The following NRG3 variants were observed in gnomAD, a reference collection of about 807,000 sequenced individuals.
The protein encoded by NRG3 is pro-neuregulin-3, membrane-bound isoform.
In NRG3, 31 loss-of-function variants were observed where a neutral mutation model predicts 66.9. The observed-to-expected ratio is 0.46, with a 90% confidence interval of 0.35 to 0.63. The LOEUF (loss-of-function observed/expected upper bound fraction) is 0.63, where lower values mean the gene tolerates loss of function less well. Among genes scored for constraint, NRG3 ranks in the 20% least tolerant of loss-of-function variants. NRG3 has a pLI of 0.00. For missense variants in NRG3, 910 were observed against 878.9 expected (o/e 1.04, Z -0.45); for synonymous variants, 393 against 359.4 (o/e 1.09, Z -1.06).
chr10:82,276,051 A>G (rs562759896), intron 1 of NRG3, among the ~76,000 whole-genome samples: 7 of 152,044 alleles, frequency 4.6e-5, no homozygotes, highest in Non-Finnish European at 7.4e-5. Context: ...ATAGGACACA[A>G]TTTTAAATAA....
intron 1 of NRG3, among the ~76,000 whole-genome samples, chr10:82,123,395 C>T (rs182002438): frequency 1.2e-3 from 177 of 152,214 alleles, no homozygotes; most frequent in African/African-American, 4.0e-3. Context: ...CCTTGAGTTT[C>T]GTGCTTTTAA....
At chr10:82,109,567 G>C (rs976382740) in intron 1 of NRG3, among the ~76,000 whole-genome samples, 11 of 135,672 alleles carry the variant, frequency 8.1e-5, no homozygotes, top group Admixed American at 2.3e-4. Flanking sequence ...GTGTGTGTGT[G>C]TGTGTGTGTG....
At chr10:82,606,289 T>C (rs1335257401) in intron 2 of NRG3, among the ~76,000 whole-genome samples, 1 of 152,210 alleles carries the variant, frequency 6.6e-6, no homozygotes, top group Non-Finnish European at 1.5e-5. Flanking sequence ...TCACGTGTTA[T>C]TTAGAAGTGT....
At chr10:82,171,353 G>A (rs529401140) in intron 1 of NRG3, among the ~76,000 whole-genome samples, 21 of 143,584 alleles carry the variant, frequency 1.5e-4, no homozygotes, top group Non-Finnish European at 2.2e-4. Flanking sequence ...CATGTCCTCC[G>A]AGCCACACCT....
chr10:82,531,687 C>T (rs1450022832), intron 2 of NRG3, among the ~76,000 whole-genome samples: 1 of 151,848 alleles, frequency 6.6e-6, no homozygotes, highest in East Asian at 1.9e-4. Flanking sequence ...TACACACATA[C>T]ACACAGAGGG....
At chr10:82,426,207 T>A (rs1314898310) in intron 2 of NRG3, among the ~76,000 whole-genome samples, 6 of 152,138 alleles carry the variant, frequency 3.9e-5, no homozygotes, top group Admixed American at 6.6e-5. Flanking sequence ...CCATCTTCAC[T>A]CTGAGACCCC....
intron 1 of NRG3, among the ~76,000 whole-genome samples, chr10:82,308,457 G>A (rs2080862938): frequency 6.6e-6 from 1 of 151,822 alleles, no homozygotes; most frequent in African/African-American, 2.4e-5. Flanking sequence ...TATCCCGTAT[G>A]GCTTCTACTT....
intron 1 of NRG3, among the ~76,000 whole-genome samples, chr10:82,350,634 G>T (rs937173894): frequency 6.6e-6 from 1 of 152,168 alleles, no homozygotes; most frequent in African/African-American, 2.4e-5. Flanking sequence ...ACATGTAGCT[G>T]TGTATGAGGT....
chr10:82,038,781 A>G (rs114912012), intron 1 of NRG3, among the ~76,000 whole-genome samples: 2 of 152,172 alleles, frequency 1.3e-5, no homozygotes, highest in East Asian at 1.9e-4. Flanking sequence ...CTGCAGCTTG[A>G]TACTTCACAT....
chr10:81,979,817 A>C (rs2060268525), intron 1 of NRG3, among the ~76,000 whole-genome samples: 1 of 152,202 alleles, frequency 6.6e-6, no homozygotes, highest in African/African-American at 2.4e-5. Context: ...CAGAAGTGAA[A>C]ATTTTAAATA....
At chr10:82,763,991 G>A (rs1005848361) in intron 3 of NRG3, among the ~76,000 whole-genome samples, 3 of 152,084 alleles carry the variant, frequency 2.0e-5, no homozygotes, top group Admixed American at 6.6e-5. Flanking sequence ...GTGGATAGTG[G>A]AAAATTTTTA....
At chr10:82,469,545 G>T (rs1202192363) in intron 2 of NRG3, among the ~76,000 whole-genome samples, 1 of 152,180 alleles carries the variant, frequency 6.6e-6, no homozygotes, top group Non-Finnish European at 1.5e-5. Context: ...AACTGACAAA[G>T]ACGTACAGTT....
chr10:81,968,206 C>T (rs975500713), intron 1 of NRG3, among the ~76,000 whole-genome samples: 2 of 152,226 alleles, frequency 1.3e-5, no homozygotes, highest in African/African-American at 4.8e-5. Context: ...CCTCAAGCCT[C>T]CTAGGGCCTG....
At chr10:82,149,643 C>G (rs1382507382) in intron 1 of NRG3, among the ~76,000 whole-genome samples, 1 of 151,640 alleles carries the variant, frequency 6.6e-6, no homozygotes, top group African/African-American at 2.4e-5. Flanking sequence ...GGGAACAGAG[C>G]CTAATACTTT....
chr10:82,756,031 A>G (rs2059064296), intron 3 of NRG3, among the ~76,000 whole-genome samples: 3 of 151,430 alleles, frequency 2.0e-5, no homozygotes, highest in Admixed American at 2.0e-4. Context: ...CGCTCTGTAG[A>G]CACCTTTTTT....
chr10:82,379,867 G>T (rs188357298), intron 2 of NRG3, among the ~76,000 whole-genome samples: 3 of 119,962 alleles, frequency 2.5e-5, no homozygotes, highest in African/African-American at 3.5e-5. Flanking sequence ...AAAAAAAAAG[G>T]TTTCCTGAAG....
chr10:82,330,844 C>T (rs774265348), intron 1 of NRG3, among the ~76,000 whole-genome samples: 2 of 152,094 alleles, frequency 1.3e-5, no homozygotes, highest in East Asian at 1.9e-4. Context: ...TGACATTAAC[C>T]AGTGTGACTG....
chr10:82,782,341 T>C (rs2135286299), intron 3 of NRG3, among the ~76,000 whole-genome samples: 1 of 152,280 alleles, frequency 6.6e-6, no homozygotes, highest in South Asian at 2.1e-4. Flanking sequence ...TGTCTCACCC[T>C]TCAACCTTTT....
At chr10:82,031,155 A>T (rs748480555) in intron 1 of NRG3, among the ~76,000 whole-genome samples, 61 of 152,140 alleles carry the variant, frequency 4.0e-4, no homozygotes, top group South Asian at 2.1e-4. Context: ...ATAAAGTTTC[A>T]TCGGTGCTCT....
Sources: gnomAD v4.1 joint callset for allele counts (sites outside exome capture counted in the v4.1 genomes callset) on GRCh38, gnomAD v4.1.1 for gene constraint, MANE v1.5 for transcripts, NCBI Gene and HGNC (gene_info 2026-07-23, HGNC 2026-07-21) for gene names.